ABCA13: variants seen among roughly 807,000 people sequenced by gnomAD.
The protein encoded by ABCA13 is ATP-binding cassette sub-family A member 13.
ABCA13 carries 476 observed loss-of-function variants against 478.7 expected under a neutral mutation model. The ratio of observed to expected loss-of-function variants is 0.99; its 90% CI spans 0.92 to 1.07. The LOEUF (loss-of-function observed/expected upper bound fraction) is 1.07. ABCA13 is among the 50% of genes least tolerant of loss of function. ABCA13 has a pLI of 0.00. For missense variants in ABCA13, 6,060 were observed against 5,910.6 expected, an observed-to-expected ratio of 1.03 and a Z score of -0.83; for synonymous variants, 2,252 against 2,158.9, an observed-to-expected ratio of 1.04 and a Z score of -1.20.
chr7:48,360,162 G>A (rs1196151429), intron 31 of ABCA13, among the ~76,000 whole-genome samples: 1 of 151,442 alleles, frequency 6.6e-6, no homozygotes, highest in Non-Finnish European at 1.5e-5. Flanking sequence ...TTTACATTAG[G>A]TATATCTCCT....
At chr7:48,579,409 G>A (rs1788489454) in intron 55 of ABCA13, among the ~76,000 whole-genome samples, 3 of 152,100 alleles carry the variant, frequency 2.0e-5, no homozygotes, top group South Asian at 4.1e-4. Context: ...GCAAATAAAA[G>A]CAACAATGCA....
At chr7:48,430,214 A>G (rs1451211505) in intron 42 of ABCA13, among the ~76,000 whole-genome samples, 1 of 152,096 alleles carries the variant, frequency 6.6e-6, no homozygotes, top group East Asian at 1.9e-4. Context: ...TCAAATATTT[A>G]ATTGATGTAG....
intron 3 of ABCA13, among the ~76,000 whole-genome samples, chr7:48,217,418 G>A (rs1005765739): frequency 1.3e-5 from 2 of 152,112 alleles, no homozygotes; most frequent in Admixed American, 1.3e-4. Flanking sequence ...TAGTCCTTAT[G>A]CTGAAAATGC....
intron 43 of ABCA13, among the ~76,000 whole-genome samples, chr7:48,457,934 C>G (rs1330108825): frequency 6.6e-6 from 1 of 152,210 alleles, no homozygotes; most frequent in Non-Finnish European, 1.5e-5. Flanking sequence ...TTGTTATTAT[C>G]TCTAATGTTT....
At chr7:48,186,330 A>AT (rs1796345886) in intron 1 of ABCA13, among the ~76,000 whole-genome samples, 1 of 152,096 alleles carries the variant, frequency 6.6e-6, no homozygotes, top group Admixed American at 6.5e-5. Context: ...ACAATTCTAG[A>AT]TTGACAGAAT....
At chr7:48,193,354 G>A (rs1227298755) in intron 2 of ABCA13, among the ~76,000 whole-genome samples, 1 of 152,144 alleles carries the variant, frequency 6.6e-6, no homozygotes, top group Non-Finnish European at 1.5e-5. Flanking sequence ...AGAAGAAGTA[G>A]AAGTGGGAGA....
intron 48 of ABCA13, among the ~76,000 whole-genome samples, chr7:48,504,135 G>A (rs1289277421): frequency 6.6e-6 from 1 of 152,180 alleles, no homozygotes; most frequent in Non-Finnish European, 1.5e-5. Flanking sequence ...GGTTGGACAG[G>A]AAGCATAAGC....
intron 2 of ABCA13, among the ~76,000 whole-genome samples, chr7:48,194,661 G>T (rs1437449361): frequency 1.3e-5 from 2 of 152,048 alleles, no homozygotes; most frequent in Non-Finnish European, 2.9e-5. Flanking sequence ...ATCAATAAGG[G>T]TTTAATAAGT....
intron 55 of ABCA13, among the ~76,000 whole-genome samples, chr7:48,575,097 A>G (rs1244946932): frequency 1.3e-5 from 2 of 152,016 alleles, no homozygotes; most frequent in Non-Finnish European, 2.9e-5. Context: ...ATTTTATGGT[A>G]CATACTTAGA....
intron 57 of ABCA13, among the ~76,000 whole-genome samples, chr7:48,594,390 C>T (rs138909412): frequency 6.1e-4 from 93 of 151,756 alleles, no homozygotes; most frequent in African/African-American, 1.4e-3. Flanking sequence ...TATTTTTCTG[C>T]GCCAGTATTT....
At chr7:48,391,827 C>A in intron 37 of ABCA13, 94 bp from the exon 38 acceptor site, 3 of 1,212,402 alleles carry the variant, frequency 2.5e-6, no homozygotes, top group Non-Finnish European at 2.4e-6. Flanking sequence ...GTGCTCTTGG[C>A]AGGATGCATG....
rs1170793555 is a variant in ABCA13 at position 48,295,576 on chromosome 7, T to A, written c.8956-124T>A. 2.4e-6 allele frequency: 3 copies of A among 1,249,368 alleles called. No individual in the cohort carries two copies. The African/African-American group carries it at 4.5e-5, about 19-fold the overall frequency. 77.4% of individuals were successfully genotyped at this position (1,249,368 alleles called of 1,614,324 possible). On this transcript the variant is annotated intron_variant, in intron 20 of 61. Coordinates refer to ENST00000435803, the MANE Select transcript of ABCA13 (RefSeq NM_152701.5). ...CACAGCCAAGGGCTCTTTCTACTAC[T>A]CTGCAATGCACAGAAGCAACTGACA...
At chr7:48,319,671 TGTAATAGCACAG>T (rs1322383726) in intron 27 of ABCA13, among the ~76,000 whole-genome samples, 2 of 152,218 alleles carry the variant, frequency 1.3e-5, no homozygotes, top group Admixed American at 1.3e-4. Context: ...TGGTTTAACT[TGTAATAGCACAG>T]GTGACACCCA....
At chr7:48,506,266 C>T in intron 48 of ABCA13, 70 bp from the exon 49 acceptor site, 1 of 1,507,288 alleles carries the variant, frequency 6.6e-7, no homozygotes, top group Non-Finnish European at 9.2e-7. Flanking sequence ...ATCTGCGTAG[C>T]CTGTAGATGA....
chr7:48,644,655 A>G lies in ABCA13; in HGVS notation c.14982A>G (p.Lys4994=). The G allele has an allele frequency of 6.2e-7, 1 of 1,612,672 alleles. No individual in the cohort carries two copies. The change falls in exon 61 of 62, where the codon AAA becomes AAG. Residue 4994 remains lysine (K), a synonymous_variant. Coordinates refer to ENST00000435803, the MANE Select transcript of ABCA13 (RefSeq NM_152701.5). Reference sequence around the variant, plus strand: ...ATTTATTAGAATATCATGTGCCAAAAAGATGGGGATGCCTAGCTGACTTGT... The same window carrying G: ...ATTTATTAGAATATCATGTGCCAAAGAGATGGGGATGCCTAGCTGACTTGT... ...HLNLLEYHVP[K]RWGCLADLFK...
At chr7:48,332,506 T>C (rs555194250) in intron 27 of ABCA13, among the ~76,000 whole-genome samples, 23 of 152,366 alleles carry the variant, frequency 1.5e-4, no homozygotes, top group East Asian at 1.9e-4. Context: ...GAAGGTGTTA[T>C]GATTTATGTT....
chr7:48,622,339 T>TG lies in ABCA13; in HGVS notation c.14837+6965dup, dbSNP rs1793219146. Among the ~76,000 whole-genome samples the TG allele has an allele frequency of 2.0e-5, 3 of 152,300 alleles. No homozygotes were observed. The South Asian group carries it at 6.2e-4, about 32-fold the overall frequency. On this transcript the variant is annotated intron_variant, in intron 59 of 61. Coordinates refer to ENST00000435803, the MANE Select transcript of ABCA13 (RefSeq NM_152701.5). ...CTCTAGCCTGGACCCAGTTTACACC[T>TG]GGGCTACACCTGTGCCATTTTCCTC...
chr7:48,470,566 T>C (rs1173834688), intron 44 of ABCA13, among the ~76,000 whole-genome samples: 1 of 152,222 alleles, frequency 6.6e-6, no homozygotes, highest in African/African-American at 2.4e-5. Context: ...CCCTATAAGC[T>C]AGTCAGCCAA....
intron 35 of ABCA13, among the ~76,000 whole-genome samples, chr7:48,381,442 C>T (rs1261615129): frequency 6.6e-6 from 1 of 151,936 alleles, no homozygotes; most frequent in Non-Finnish European, 1.5e-5. Context: ...GATTTTCTTT[C>T]TTTGTTATAA....
Sources: gnomAD v4.1 joint callset for allele counts (sites outside exome capture counted in the v4.1 genomes callset) on GRCh38, gnomAD v4.1.1 for gene constraint, MANE v1.5 for transcripts, NCBI Gene and HGNC (gene_info 2026-07-23, HGNC 2026-07-21) for gene names.